The following NKAIN3 variants were observed in gnomAD, a reference collection of about 807,000 sequenced individuals.
The protein encoded by NKAIN3 is sodium/potassium transporting ATPase interacting 3.
A neutral mutation model predicts 30.2 loss-of-function variants in NKAIN3; 25 were observed. The observed-to-expected ratio is 0.83, with a 90% CI of 0.60 to 1.16. NKAIN3 has a LOEUF of 1.16. Ranked by LOEUF, NKAIN3 falls within the 50% of genes most tolerant of loss-of-function variation. The pLI is 0.00. For missense variants in NKAIN3, 225 were observed against 254.1 expected, an observed-to-expected ratio of 0.89 and a Z score of 0.78; for synonymous variants, 91 against 89.6, an observed-to-expected ratio of 1.02 and a Z score of -0.09.
intron 4 of NKAIN3, among the ~76,000 whole-genome samples, chr8:62,861,550 G>A (rs1235904779): frequency 6.6e-6 from 1 of 152,138 alleles, no homozygotes; most frequent in Non-Finnish European, 1.5e-5. Flanking sequence ...AAACACTGGA[G>A]TACAAAAGAA....
At chr8:62,641,914 T>G (rs1812318970) in intron 3 of NKAIN3, among the ~76,000 whole-genome samples, 1 of 152,078 alleles carries the variant, frequency 6.6e-6, no homozygotes, top group African/African-American at 2.4e-5. Flanking sequence ...TAATCTCATT[T>G]AGAAATGAAT....
intron 1 of NKAIN3, among the ~76,000 whole-genome samples, chr8:62,401,428 C>T (rs1803869902): frequency 6.6e-6 from 1 of 152,098 alleles, no homozygotes; most frequent in Admixed American, 6.6e-5. Flanking sequence ...TAATGTTTCA[C>T]TGGTGCCTTA....
intron 4 of NKAIN3, among the ~76,000 whole-genome samples, chr8:62,764,079 G>A (rs1201783157): frequency 6.6e-6 from 1 of 152,208 alleles, no homozygotes; most frequent in Non-Finnish European, 1.5e-5. Context: ...GTCATTTGTG[G>A]TTTATGATTA....
At chr8:62,743,118 A>G (rs1249629987) in intron 3 of NKAIN3, among the ~76,000 whole-genome samples, 1 of 152,182 alleles carries the variant, frequency 6.6e-6, no homozygotes, top group Non-Finnish European at 1.5e-5. Context: ...TGGGTGGGGG[A>G]CACAGCCAAA....
intron 3 of NKAIN3, among the ~76,000 whole-genome samples, chr8:62,729,049 A>C (rs1403414918): frequency 7.0e-6 from 1 of 142,460 alleles, no homozygotes; most frequent in Non-Finnish European, 1.5e-5. Flanking sequence ...ACAAAAAAAA[A>C]AAACCTCCTG....
intron 1 of NKAIN3, among the ~76,000 whole-genome samples, chr8:62,261,558 G>C (rs1248861151): frequency 6.6e-6 from 1 of 152,184 alleles, no homozygotes; most frequent in Non-Finnish European, 1.5e-5. Context: ...GTCCTAATTA[G>C]CTTCTTCCAC....
At chr8:62,521,951 T>C (rs923188782) in intron 1 of NKAIN3, among the ~76,000 whole-genome samples, 1 of 152,100 alleles carries the variant, frequency 6.6e-6, no homozygotes, top group Non-Finnish European at 1.5e-5. Flanking sequence ...GAAGCTATCA[T>C]TGTGTTAGTT....
At chr8:62,758,525 A>G (rs879837959) in intron 4 of NKAIN3, among the ~76,000 whole-genome samples, 7 of 152,208 alleles carry the variant, frequency 4.6e-5, no homozygotes, top group Non-Finnish European at 7.4e-5. Context: ...AATTAAAAGT[A>G]TAACTGCATT....
At chr8:62,483,438 G>C (rs1806793196) in intron 1 of NKAIN3, 1 of 182,360 alleles carries the variant, frequency 5.5e-6, no homozygotes, top group African/African-American at 2.3e-5. Context: ...ATTCGGCTAG[G>C]TGAGCCAGGA....
chr8:62,863,420 G>A, intron 4 of NKAIN3: 2 of 1,551,550 alleles, frequency 1.3e-6, no homozygotes, highest in Non-Finnish European at 1.8e-6. Flanking sequence ...ATGTCAGTAT[G>A]AGTAATCTTG....
rs371834842 is a variant in NKAIN3, at chr8:62,571,933, G to A, written c.55-7606G>A. On this transcript the variant is annotated intron_variant, in intron 1 of 6. Transcript: ENST00000623646. ...TTAGGCCTCCAGGCCTGTGATTGGA[G>A]GGACTGCCATGAAGACCTCTGACAT... Among the ~76,000 whole-genome samples, 5 of 152,262 alleles carry A rather than the reference G, an allele frequency of 3.3e-5. No homozygotes were observed. In the East Asian group the frequency reaches 9.7e-4, roughly 30 times the overall value.
chr8:62,984,570 C>A lies in NKAIN3; in HGVS notation c.*19163C>A, dbSNP rs1286303246. 2 of 152,150 alleles carry A rather than the reference C, an allele frequency of 1.3e-5. No homozygotes were observed. Among genetic ancestry groups the A allele is most frequent in the Non-Finnish European group, 2.9e-5 (2 of 68,020 alleles). 9.4% of individuals were successfully genotyped at this position (152,150 alleles called of 1,614,324 possible). The stretch of plus-strand genomic sequence containing the variant: ...TCACTGTATATTAACTTCTTTTCTA[C>A]AGATGTTTGACTTATGAGATGAATT... On this transcript the variant is annotated 3_prime_UTR_variant, in exon 7 of 7. Coordinates refer to ENST00000623646, the MANE Select transcript of NKAIN3 (RefSeq NM_001304533.3).
chr8:62,839,411 G>T (rs188618232), intron 4 of NKAIN3, among the ~76,000 whole-genome samples: 7 of 151,224 alleles, frequency 4.6e-5, no homozygotes, highest in African/African-American at 1.7e-4. Flanking sequence ...CTTAAAAATT[G>T]GTAGAAAAAA....
intron 1 of NKAIN3, among the ~76,000 whole-genome samples, chr8:62,369,381 T>C (rs1816836026): frequency 6.6e-6 from 1 of 152,134 alleles, no homozygotes. Flanking sequence ...TCTGCATACC[T>C]GGGTTAAAAT....
intron 1 of NKAIN3, among the ~76,000 whole-genome samples, chr8:62,416,638 G>T (rs547275382): frequency 3.4e-4 from 52 of 152,184 alleles, no homozygotes; most frequent in Non-Finnish European, 6.3e-4. Flanking sequence ...ATCCCCTCAA[G>T]TATTTATCCT....
chr8:62,394,330 T>C (rs1817664759), intron 1 of NKAIN3, among the ~76,000 whole-genome samples: 1 of 152,208 alleles, frequency 6.6e-6, no homozygotes, highest in African/African-American at 2.4e-5. Flanking sequence ...TTTTTCTCTT[T>C]ATTACATTTA....
intron 4 of NKAIN3, among the ~76,000 whole-genome samples, chr8:62,762,279 G>T (rs1025043636): frequency 1.3e-5 from 2 of 151,514 alleles, no homozygotes; most frequent in African/African-American, 2.4e-5. Context: ...TAAGGCCAGT[G>T]CAGTCCAGCC....
chr8:62,249,089 G>A lies in NKAIN3; in HGVS notation c.16G>A (p.Gly6Arg). ...CGCCGGCACCATGGGCTGCTGCACC[G>A]GACGCTGCTCGCTCATCTGCCTCTG... MGCCTGRCSLICLCAL... is the reference protein window; with the variant it reads MGCCTRRCSLICLCAL... The change falls in exon 1 of 7, where the codon GGA (glycine) becomes AGA (arginine). Residue 6 changes from glycine (G) to arginine (R), a missense_variant. Physicochemically the swap from Gly to Arg is moderately radical, Grantham distance 125 (BLOSUM62 -2). Coordinates refer to ENST00000623646, the MANE Select transcript of NKAIN3 (RefSeq NM_001304533.3). 1 of 1,538,774 alleles carries A rather than the reference G, an allele frequency of 6.5e-7. No homozygotes were observed. Among genetic ancestry groups the A allele is most frequent in the Non-Finnish European group, 8.7e-7 (1 of 1,144,094 alleles).
intron 3 of NKAIN3, among the ~76,000 whole-genome samples, chr8:62,603,266 C>T (rs1324467915): frequency 2.6e-5 from 4 of 152,092 alleles, no homozygotes; most frequent in Non-Finnish European, 4.4e-5. Context: ...CAACAATTAA[C>T]AAATTATAAA....
Sources: allele counts gnomAD v4.1 joint callset (sites outside exome capture counted in the v4.1 genomes callset), GRCh38; gene constraint gnomAD v4.1.1; transcripts MANE v1.5; gene names NCBI Gene and HGNC (gene_info 2026-07-23, HGNC 2026-07-21).